MCPH1: variants seen among roughly 807,000 people sequenced by gnomAD.
MCPH1 encodes microcephalin.
Under a neutral mutation model 84.5 loss-of-function variants are expected in MCPH1, and 104 were observed. The ratio of observed to expected loss-of-function variants is 1.23; its 90% CI spans 1.05 to 1.45. MCPH1 has a LOEUF of 1.45. Ranked by LOEUF, MCPH1 falls within the 40% of genes most tolerant of loss-of-function variation. MCPH1 has a pLI of 0.00. For synonymous variants in MCPH1, 514 were observed against 366.8 expected (o/e 1.40, Z -4.58); for missense variants, 1,498 against 1,005.7 (o/e 1.49, Z -6.62).
chr8:6,628,469 CAAAAAAAAAAAA>C (rs34188003), intron 13 of MCPH1, among the ~76,000 whole-genome samples: 2 of 41,582 alleles, frequency 4.8e-5, no homozygotes, highest in Non-Finnish European at 9.7e-5. Flanking sequence ...GACTCTGTCT[CAAAAAAAAAAAA>C]AAAAAAAAAA....
At chr8:6,466,287 C>A (rs1306545233) in intron 9 of MCPH1, among the ~76,000 whole-genome samples, 3 of 151,718 alleles carry the variant, frequency 2.0e-5, no homozygotes, top group Non-Finnish European at 4.4e-5. Flanking sequence ...GAGGCACGTT[C>A]CATCACGCCT....
chr8:6,598,038 A>C (rs1162135022), intron 12 of MCPH1, among the ~76,000 whole-genome samples: 1 of 152,196 alleles, frequency 6.6e-6, no homozygotes, highest in Non-Finnish European at 1.5e-5. Flanking sequence ...TTTCCAGCCA[A>C]CATCAGCTCA....
chr8:6,474,547 A>G (rs1016978787), intron 9 of MCPH1, among the ~76,000 whole-genome samples: 3 of 152,248 alleles, frequency 2.0e-5, no homozygotes, highest in South Asian at 4.1e-4. Context: ...TAAATAATTT[A>G]AAAAATTATT....
intron 1 of MCPH1, among the ~76,000 whole-genome samples, chr8:6,407,515 G>A (rs560718243): frequency 2.0e-5 from 3 of 152,266 alleles, no homozygotes; most frequent in African/African-American, 7.2e-5. Context: ...CCAGGAGAGG[G>A]GAATAGCGGA....
At chr8:6,520,682 C>T (rs1446320904) in intron 12 of MCPH1, among the ~76,000 whole-genome samples, 1 of 152,296 alleles carries the variant, frequency 6.6e-6, no homozygotes, top group East Asian at 1.9e-4. Flanking sequence ...AGGCGTGATC[C>T]ACCACACCTG....
intron 9 of MCPH1, among the ~76,000 whole-genome samples, chr8:6,466,291 C>T (rs1806932984): frequency 1.3e-5 from 2 of 151,548 alleles, no homozygotes. Context: ...CACGTTCCAT[C>T]ACGCCTGGCT....
At chr8:6,592,949 G>A (rs1331785669) in intron 12 of MCPH1, among the ~76,000 whole-genome samples, 4 of 151,100 alleles carry the variant, frequency 2.6e-5, no homozygotes, top group Non-Finnish European at 4.4e-5. Flanking sequence ...TTACAGGCGT[G>A]AGCCACCGTG....
At chr8:6,512,724 A>C (rs1408226685) in intron 12 of MCPH1, among the ~76,000 whole-genome samples, 1 of 152,002 alleles carries the variant, frequency 6.6e-6, no homozygotes, top group African/African-American at 2.4e-5. Flanking sequence ...CTCTCTCTCT[A>C]CTCTCATGGC....
rs550550350 is a variant in MCPH1, at chr8:6,447,744, G to A, written c.1825+2197G>A. 4.7e-3 allele frequency among the ~76,000 whole-genome samples: 709 copies of A among 152,214 alleles called. 3 individuals are homozygous for A. Among genetic ancestry groups the A allele is most frequent in the Non-Finnish European group, 7.7e-3 (527 of 68,014 alleles). On this transcript the variant is annotated intron_variant, in intron 8 of 13. Coordinates refer to ENST00000344683, the MANE Select transcript of MCPH1 (RefSeq NM_024596.5). The stretch of plus-strand genomic sequence containing the variant: ...TTGTTGTATTTTTAGTAGAGATGGG[G>A]TTTCACGTCTTGGCCAGGCTGGTCT...
At chr8:6,457,513 G>T (rs1046899055) in intron 9 of MCPH1, among the ~76,000 whole-genome samples, 3 of 151,684 alleles carry the variant, frequency 2.0e-5, no homozygotes, top group Non-Finnish European at 4.4e-5. Flanking sequence ...ACTGAGGTGG[G>T]AGAATCACCT....
At chr8:6,525,756 A>G (rs1005048757) in intron 12 of MCPH1, among the ~76,000 whole-genome samples, 1 of 152,198 alleles carries the variant, frequency 6.6e-6, no homozygotes, top group Non-Finnish European at 1.5e-5. Context: ...ATAGCTGTTG[A>G]TGAAAAAAAC....
intron 11 of MCPH1, among the ~76,000 whole-genome samples, chr8:6,492,779 A>C (rs1018650347): frequency 4.0e-5 from 6 of 150,374 alleles, no homozygotes; most frequent in Non-Finnish European, 7.4e-5. Flanking sequence ...ATAATCTTTC[A>C]TTATTGAATT....
At chr8:6,454,434 C>T (rs1371633452) in intron 8 of MCPH1, among the ~76,000 whole-genome samples, 2 of 152,122 alleles carry the variant, frequency 1.3e-5, no homozygotes, top group Non-Finnish European at 2.9e-5. Context: ...CTTCAAAATC[C>T]CATGTAAGTC....
intron 12 of MCPH1, among the ~76,000 whole-genome samples, chr8:6,576,933 C>T (rs1356097861): frequency 6.6e-6 from 1 of 151,852 alleles, no homozygotes; most frequent in African/African-American, 2.4e-5. Flanking sequence ...AAAGCAATGG[C>T]GCCTCCTTTG....
chr8:6,467,461 CT>C (rs1807124697), intron 9 of MCPH1, among the ~76,000 whole-genome samples: 1 of 152,108 alleles, frequency 6.6e-6, no homozygotes, highest in South Asian at 2.1e-4. Context: ...TAGGTTGTGT[CT>C]TTTGTCCTTT....
intron 10 of MCPH1, among the ~76,000 whole-genome samples, chr8:6,478,434 T>C (rs1438274289): frequency 6.6e-6 from 1 of 152,244 alleles, no homozygotes; most frequent in African/African-American, 2.4e-5. Context: ...ATATGTGTAA[T>C]ATTTTTTAAA....
At chr8:6,568,414 A>G (rs1248374501) in intron 12 of MCPH1, among the ~76,000 whole-genome samples, 1 of 152,210 alleles carries the variant, frequency 6.6e-6, no homozygotes, top group African/African-American at 2.4e-5. Context: ...ATGCTAAGTC[A>G]GCACAAAGTG....
chr8:6,640,254 G>C (rs1358279740), intron 13 of MCPH1, among the ~76,000 whole-genome samples: 1 of 152,018 alleles, frequency 6.6e-6, no homozygotes, highest in African/African-American at 2.4e-5. Flanking sequence ...TGAAATTACT[G>C]TGCCCTAGGA....
chr8:6,522,256 G>A (rs1817500993), intron 12 of MCPH1, among the ~76,000 whole-genome samples: 3 of 152,154 alleles, frequency 2.0e-5, no homozygotes, highest in Admixed American at 1.3e-4. Flanking sequence ...TCTGGAGGCT[G>A]AGGCAGGAGA....
Sources: allele counts gnomAD v4.1 joint callset (sites outside exome capture counted in the v4.1 genomes callset), GRCh38; gene constraint gnomAD v4.1.1; transcripts MANE v1.5; gene names NCBI Gene and HGNC (gene_info 2026-07-23, HGNC 2026-07-21).